Variants in AUTS2 observed in about 807,000 individuals in gnomAD.
AUTS2 encodes the protein activator of transcription and developmental regulator AUTS2, also known as autism susceptibility gene 2 protein.
AUTS2 carries 17 observed loss-of-function variants against 112.4 expected under a neutral mutation model. The observed-to-expected ratio is 0.15, with a 90% CI of 0.10 to 0.23. The LOEUF (loss-of-function observed/expected upper bound fraction) is 0.23. AUTS2 is among the 10% of genes least tolerant of loss of function. AUTS2 has a pLI of 1.00. For missense variants in AUTS2, 1,510 were observed against 1,701.6 expected, an observed-to-expected ratio of 0.89 and a Z score of 1.98; for synonymous variants, 751 against 702.7, an observed-to-expected ratio of 1.07 and a Z score of -1.09.
intron 5 of AUTS2, among the ~76,000 whole-genome samples, chr7:70,457,523 A>T (rs1288853007): frequency 1.3e-5 from 2 of 152,170 alleles, no homozygotes; most frequent in Non-Finnish European, 2.9e-5. Flanking sequence ...AGCAGTGTTC[A>T]TTTTTTCTGT....
chr7:69,997,245 C>G (rs983909051), intron 2 of AUTS2, among the ~76,000 whole-genome samples: 1 of 151,954 alleles, frequency 6.6e-6, no homozygotes, highest in African/African-American at 2.4e-5. Context: ...GTAATAATAC[C>G]AAGAATGAGA....
intron 2 of AUTS2, among the ~76,000 whole-genome samples, chr7:70,076,623 C>A (rs1490452378): frequency 6.6e-6 from 1 of 152,094 alleles, no homozygotes; most frequent in South Asian, 2.1e-4. Flanking sequence ...AGTGACTTGA[C>A]TGAGGTTGGA....
chr7:70,284,690 T>A (rs542531002), intron 4 of AUTS2, among the ~76,000 whole-genome samples: 1 of 152,290 alleles, frequency 6.6e-6, no homozygotes, highest in South Asian at 2.1e-4. Context: ...CACAGAAGCC[T>A]ATGAGGTTTT....
intron 1 of AUTS2, among the ~76,000 whole-genome samples, chr7:69,640,171 AT>A (rs1179063451): frequency 1.5e-5 from 2 of 137,544 alleles, no homozygotes; most frequent in East Asian, 4.5e-4. Context: ...ATTGGTTTTC[AT>A]GAGAATTTGG....
intron 4 of AUTS2, among the ~76,000 whole-genome samples, chr7:70,385,214 G>C (rs949327863): frequency 1.3e-5 from 2 of 152,146 alleles, no homozygotes; most frequent in Non-Finnish European, 2.9e-5. Context: ...CTAAAGACAA[G>C]TACCATACTT....
At chr7:70,732,702 T>C (rs1787500178) in intron 6 of AUTS2, among the ~76,000 whole-genome samples, 1 of 152,340 alleles carries the variant, frequency 6.6e-6, no homozygotes, top group Middle Eastern at 3.4e-3. Flanking sequence ...ATTTGTCATC[T>C]TATACATCAC....
intron 2 of AUTS2, among the ~76,000 whole-genome samples, chr7:70,051,306 A>C (rs1226813252): frequency 6.6e-6 from 1 of 152,230 alleles, no homozygotes; most frequent in East Asian, 1.9e-4. Flanking sequence ...AATCTGTAAC[A>C]GTTTTCTTAA....
At chr7:70,234,333 T>G (rs1449401621) in intron 4 of AUTS2, among the ~76,000 whole-genome samples, 1 of 152,202 alleles carries the variant, frequency 6.6e-6, no homozygotes, top group Non-Finnish European at 1.5e-5. Context: ...TTGATTGTCA[T>G]TCACGTTTCT....
chr7:70,769,999 G>A (rs913677673), intron 10 of AUTS2, among the ~76,000 whole-genome samples: 1 of 152,170 alleles, frequency 6.6e-6, no homozygotes, highest in African/African-American at 2.4e-5. Flanking sequence ...CCCACCTGGA[G>A]GCAGAATACT....
chr7:70,040,564 G>A (rs1256784572), intron 2 of AUTS2, among the ~76,000 whole-genome samples: 1 of 149,838 alleles, frequency 6.7e-6, no homozygotes, highest in Non-Finnish European at 1.5e-5. Context: ...GGTTTCACTG[G>A]CCTATTAGGG....
At chr7:70,305,671 AAATC>A (rs1315854380) in intron 4 of AUTS2, among the ~76,000 whole-genome samples, 2 of 152,366 alleles carry the variant, frequency 1.3e-5, no homozygotes, top group African/African-American at 4.8e-5. Context: ...TAGTTTAAAA[AAATC>A]AAACAAACCA....
At chr7:70,154,652 A>C (rs1384691055) in intron 4 of AUTS2, among the ~76,000 whole-genome samples, 1 of 152,214 alleles carries the variant, frequency 6.6e-6, no homozygotes, top group Non-Finnish European at 1.5e-5. Context: ...TGAACTGAGC[A>C]GACTACATTT....
intron 1 of AUTS2, among the ~76,000 whole-genome samples, chr7:69,724,740 A>G (rs610930): frequency 0.61 from 93,441 of 151,972 alleles, 29,045 homozygotes; most frequent in East Asian, 0.7. Flanking sequence ...ATTATGGTCT[A>G]GGACTTAGAT....
At chr7:69,604,334 G>T (rs1792597110) in intron 1 of AUTS2, among the ~76,000 whole-genome samples, 1 of 152,210 alleles carries the variant, frequency 6.6e-6, no homozygotes, top group South Asian at 2.1e-4. Context: ...CCTTCTGTCA[G>T]TCTGCAGATA....
At chr7:69,814,468 G>A (rs981215849) in intron 1 of AUTS2, among the ~76,000 whole-genome samples, 11 of 152,364 alleles carry the variant, frequency 7.2e-5, no homozygotes, top group Non-Finnish European at 1.2e-4. Context: ...GGGTGTCTGT[G>A]TGACGTGGAC....
At position 70,631,884 on chromosome 7, in the gene AUTS2, A is replaced by G. The variant is rs547560504; in HGVS notation, c.691-66685A>G. 3.9e-5 allele frequency among the ~76,000 whole-genome samples: 6 copies of G among 152,158 alleles called. No individual in the cohort carries two copies. The highest frequency in any genetic ancestry group is 1.4e-4 in the African/African-American group (6 of 41,518). On this transcript the variant is annotated intron_variant, in intron 5 of 18. Transcript: ENST00000342771. This position sits in a 1 kb window ranked among gnomAD's most constrained non-coding sequence, Gnocchi z 4.5. ...TTAGTTCTCCCATGTCCCTTGATTC[A>G]GTGGTGTGACCAGAGGGGAGACTGC... is the stretch of plus-strand genomic sequence containing the variant.
At chr7:69,862,953 AGCCAGGAAGTT>A (rs1793057476) in intron 1 of AUTS2, among the ~76,000 whole-genome samples, 1 of 152,170 alleles carries the variant, frequency 6.6e-6, no homozygotes, top group Non-Finnish European at 1.5e-5. Flanking sequence ...ATGCCTCCTG[AGCCAGGAAGTT>A]GTCTGATTAG....
At chr7:70,623,593 C>T (rs76901951) in intron 5 of AUTS2, among the ~76,000 whole-genome samples, 2,380 of 152,306 alleles carry the variant, frequency 0.016, 27 homozygotes, top group Non-Finnish European at 0.023. Flanking sequence ...ACATGTTAAT[C>T]ATCATAGAAA....
intron 1 of AUTS2, among the ~76,000 whole-genome samples, chr7:69,634,407 A>T (rs1248433792): frequency 6.6e-6 from 1 of 152,188 alleles, no homozygotes; most frequent in Non-Finnish European, 1.5e-5. Flanking sequence ...AGCGTGAGCC[A>T]CCGCGCCCGG....
Sources: allele counts gnomAD v4.1 joint callset (sites outside exome capture counted in the v4.1 genomes callset), GRCh38; gene constraint gnomAD v4.1.1; non-coding constraint Gnocchi (gnomAD v3.1); transcripts MANE v1.5; gene names NCBI Gene and HGNC (gene_info 2026-07-23, HGNC 2026-07-21).